CFAP251: variants seen among roughly 807,000 people sequenced by gnomAD.
CFAP251 encodes the protein cilia- and flagella-associated protein 251.
CFAP251 carries 93 observed loss-of-function variants against 126.7 expected under a neutral mutation model. The observed-to-expected ratio is 0.73, with a 90% CI of 0.62 to 0.87. CFAP251 has a LOEUF of 0.87. CFAP251 is among the 40% of genes least tolerant of loss of function. CFAP251 has a pLI of 0.00. For synonymous variants in CFAP251, 503 were observed against 506.9 expected (o/e 0.99, Z 0.10); for missense variants, 1,287 against 1,389.2 (o/e 0.93, Z 1.17).
intron 3 of CFAP251, among the ~76,000 whole-genome samples, chr12:121,926,653 A>G (rs1429283491): frequency 6.6e-6 from 1 of 152,080 alleles, no homozygotes; most frequent in Non-Finnish European, 1.5e-5. Flanking sequence ...TGTTAAAACT[A>G]TTCAGTGTTG....
rs552742532 is a variant in CFAP251 at position 121,989,393 on chromosome 12, A to G, written c.3007-10323A>G. On this transcript the variant is annotated intron_variant, in intron 19 of 21. Transcript: ENST00000288912. This position sits in a 1 kb window ranked among gnomAD's most constrained non-coding sequence, Gnocchi z 4.2. ...CCTGAGACTGCGTCCAGAGGGCAGA[A>G]CTGTGCATGCATGCCCCACTCCTGG... is the stretch of plus-strand genomic sequence containing the variant. Among the ~76,000 whole-genome samples, 7 of 152,212 alleles carry G rather than the reference A, an allele frequency of 4.6e-5. No homozygotes were observed. Among genetic ancestry groups the G allele is most frequent in the Non-Finnish European group, 1.0e-4 (7 of 68,028 alleles).
At chr12:121,957,391 A>G in intron 11 of CFAP251, 123 bp downstream of exon 11, 2 of 990,800 alleles carry the variant, frequency 2.0e-6, no homozygotes, top group South Asian at 3.6e-5. Context: ...TGTGATAACC[A>G]CTGGATCATT....
chr12:121,997,478 A>T (rs1351686537), intron 19 of CFAP251: 4 of 151,272 alleles, frequency 2.6e-5, no homozygotes, highest in Non-Finnish European at 5.9e-5. Flanking sequence ...GCTGTGCTGC[A>T]GCCTGGGTGA....
intron 19 of CFAP251, among the ~76,000 whole-genome samples, chr12:121,976,016 T>C (rs576367605): frequency 1.9e-3 from 287 of 151,596 alleles, no homozygotes; most frequent in African/African-American, 6.6e-3. Flanking sequence ...TTTTTCTTTT[T>C]TTTTTTTTTT....
chr12:121,959,270 C>T lies in CFAP251; in HGVS notation c.2133+176C>T. The T allele has an allele frequency of 4.9e-6, 3 of 614,848 alleles. No homozygotes were observed. The South Asian group carries it at 8.8e-5, about 18-fold the overall frequency. 38.1% of individuals were successfully genotyped at this position (614,848 alleles called of 1,614,324 possible). A position where few individuals can be genotyped will look rare whatever the true frequency, so the allele number is the denominator to read the frequency against. The stretch of plus-strand genomic sequence containing the variant: ...TAGGAAACACAGCAGGACCCCACTG[C>T]TACAAAAACACTTTTTAAAAATTAG... On this transcript the variant is annotated intron_variant, in intron 13 of 21. Coordinates refer to ENST00000288912, the MANE Select transcript of CFAP251 (RefSeq NM_144668.6).
intron 19 of CFAP251, among the ~76,000 whole-genome samples, chr12:121,996,040 A>T (rs1251662653): frequency 2.0e-5 from 3 of 152,136 alleles, no homozygotes; most frequent in African/African-American, 7.2e-5. Context: ...CCAAGATGTG[A>T]GGGTGAAGGG....
intron 8 of CFAP251, chr12:121,951,223 A>G (rs568423119): frequency 9.4e-5 from 29 of 307,960 alleles, no homozygotes; most frequent in Admixed American, 3.5e-4. Context: ...CTGCTTGAAG[A>G]CACCTTATTT....
At chr12:121,971,072 C>A (rs1882314941) in intron 17 of CFAP251, among the ~76,000 whole-genome samples, 2 of 152,256 alleles carry the variant, frequency 1.3e-5, no homozygotes, top group Admixed American at 1.3e-4. Flanking sequence ...CCTTTCCCCT[C>A]AGGGGCTCCT....
chr12:121,933,461 G>C (rs1222721186), intron 4 of CFAP251: 1 of 152,316 alleles, frequency 6.6e-6, no homozygotes, highest in Non-Finnish European at 1.5e-5. Flanking sequence ...GCTGCCATTT[G>C]TGTTCCCAGA....
intron 4 of CFAP251, chr12:121,932,330 A>C (rs941226003): frequency 2.0e-5 from 3 of 152,362 alleles, no homozygotes; most frequent in Admixed American, 2.0e-4. Context: ...ACTGAGGCTC[A>C]GAGTGTTTTA....
Position 121,935,993 on chromosome 12 carries a change from G to A in CFAP251, c.998+1637G>A, listed in dbSNP as rs931837533. The stretch of plus-strand genomic sequence containing the variant: ...GATAGTGCATCCAACAAGGAAAGGT[G>A]GAATTTCCGTGGGCTTGGGCAGTGC... On this transcript the variant is annotated intron_variant, in intron 5 of 21. Coordinates refer to ENST00000288912, the MANE Select transcript of CFAP251 (RefSeq NM_144668.6). Among the ~76,000 whole-genome samples the A allele has an allele frequency of 2.0e-5, 3 of 152,174 alleles. 1 individual carries two copies. Among genetic ancestry groups the A allele is most frequent in the Admixed American group, 2.0e-4 (3 of 15,264 alleles).
At chr12:121,986,478 T>C (rs1170245313) in intron 19 of CFAP251, among the ~76,000 whole-genome samples, 1 of 150,826 alleles carries the variant, frequency 6.6e-6, no homozygotes, top group East Asian at 2.0e-4. Flanking sequence ...TTTTTTTGTA[T>C]TTTTAGTAGA....
At chr12:121,953,620 G>A (rs192186351) in intron 9 of CFAP251, 94 of 153,980 alleles carry the variant, frequency 6.1e-4, no homozygotes, top group South Asian at 3.8e-3. Flanking sequence ...GTCAGAAGAG[G>A]TAAACCTTAG....
chr12:121,969,674 C>T (rs1214964066), intron 17 of CFAP251: 10 of 888,426 alleles, frequency 1.1e-5, no homozygotes, highest in African/African-American at 1.8e-5. Context: ...TTTTTTTTGT[C>T]GATACAGAGT....
chr12:121,990,428 G>A (rs1190795987), intron 19 of CFAP251, among the ~76,000 whole-genome samples: 1 of 152,208 alleles, frequency 6.6e-6, no homozygotes, highest in Non-Finnish European at 1.5e-5. Context: ...GAAGCCTCGG[G>A]TTCAGGTACC....
At chr12:121,944,062 C>G (rs1565907808) in intron 7 of CFAP251, among the ~76,000 whole-genome samples, 1 of 152,070 alleles carries the variant, frequency 6.6e-6, no homozygotes, top group African/African-American at 2.4e-5. Context: ...CCAAGGACAC[C>G]CAGAAAGTTT....
rs7961930 is a variant in CFAP251 at position 122,003,012 on chromosome 12, T to C, written c.3338-640T>C. On this transcript the variant is annotated intron_variant, in intron 21 of 21. Coordinates refer to ENST00000288912, the MANE Select transcript of CFAP251 (RefSeq NM_144668.6). ...ACCCCATTCCTTTATGTGCTTCAGA[T>C]CTCAGAATGTACCTTTCCTGATTGT... 8.3e-3 allele frequency among the ~76,000 whole-genome samples: 1,271 copies of C among 152,310 alleles called. 18 individuals carry two copies. The highest frequency in any genetic ancestry group is 0.029 in the African/African-American group (1,201 of 41,570).
At chr12:121,927,562 G>GT (rs1218357840) in intron 3 of CFAP251, among the ~76,000 whole-genome samples, 1 of 152,146 alleles carries the variant, frequency 6.6e-6, no homozygotes, top group East Asian at 1.9e-4. Flanking sequence ...CTCCCAAAGT[G>GT]TTGGAATTTC....
chr12:121,939,606 A>T (rs968711824), intron 5 of CFAP251, among the ~76,000 whole-genome samples: 7 of 150,870 alleles, frequency 4.6e-5, no homozygotes, highest in Non-Finnish European at 8.8e-5. Context: ...ATTTTTTTTA[A>T]AAAATTTCAC....
Sources: gnomAD v4.1 joint callset for allele counts (sites outside exome capture counted in the v4.1 genomes callset) on GRCh38, gnomAD v4.1.1 for gene constraint, Gnocchi (gnomAD v3.1) non-coding constraint, MANE v1.5 for transcripts, NCBI Gene and HGNC (gene_info 2026-07-23, HGNC 2026-07-21) for gene names.